Variants in TMTC2 observed in about 807,000 individuals in gnomAD.
The protein encoded by TMTC2 is transmembrane O-mannosyltransferase targeting cadherins 2.
A neutral mutation model predicts 82.4 loss-of-function variants in TMTC2; 43 were observed. The observed-to-expected ratio is 0.52, with a 90% CI of 0.41 to 0.67. TMTC2 has a LOEUF of 0.67. Among genes scored for constraint, TMTC2 ranks in the 30% least tolerant of loss-of-function variants. The probability of loss-of-function intolerance (pLI) is 0.00; values close to 1 mark genes in which losing one functional copy is unlikely to be tolerated. For synonymous variants in TMTC2, 408 were observed against 381.9 expected, an observed-to-expected ratio of 1.07 and a Z score of -0.80; for missense variants, 919 against 1,012.4, an observed-to-expected ratio of 0.91 and a Z score of 1.25.
At chr12:82,988,117 A>G (rs1879244955) in intron 8 of TMTC2, among the ~76,000 whole-genome samples, 1 of 152,208 alleles carries the variant, frequency 6.6e-6, no homozygotes, top group African/African-American at 2.4e-5. Flanking sequence ...ATGTGGGCAA[A>G]TCAGACTAAG....
intron 1 of TMTC2, among the ~76,000 whole-genome samples, chr12:82,787,503 C>T (rs775090651): frequency 1.1e-4 from 16 of 152,126 alleles, no homozygotes; most frequent in Admixed American, 2.6e-4. Context: ...GTTAGATTTA[C>T]TTCTTAAAAT....
intron 1 of TMTC2, among the ~76,000 whole-genome samples, chr12:82,761,617 C>CT (rs1876636635): frequency 6.6e-6 from 1 of 152,230 alleles, no homozygotes; most frequent in East Asian, 1.9e-4. Context: ...CTTGATCACT[C>CT]TTACACTTTG....
intron 3 of TMTC2, among the ~76,000 whole-genome samples, chr12:82,922,612 C>T (rs955599536): frequency 2.6e-5 from 4 of 151,658 alleles, no homozygotes; most frequent in South Asian, 2.1e-4. Context: ...TTCTTAACTT[C>T]GTTTTCTCTT....
At chr12:83,119,666 C>A (rs1176264490) in intron 11 of TMTC2, among the ~76,000 whole-genome samples, 5 of 152,030 alleles carry the variant, frequency 3.3e-5, no homozygotes, top group Non-Finnish European at 7.4e-5. Context: ...CCATTTCTTC[C>A]AGGGTATAGT....
intron 4 of TMTC2, among the ~76,000 whole-genome samples, chr12:82,954,026 T>C (rs2137283802): frequency 6.6e-6 from 1 of 152,344 alleles, no homozygotes; most frequent in East Asian, 1.9e-4. Context: ...TTATTTTTTT[T>C]GTCCAGGGAA....
chr12:82,944,443 G>A (rs1876885338), intron 4 of TMTC2, among the ~76,000 whole-genome samples: 1 of 151,840 alleles, frequency 6.6e-6, no homozygotes, highest in Admixed American at 6.6e-5. Flanking sequence ...AATTAGCTGG[G>A]TGTGGTGGCG....
Position 83,069,262 on chromosome 12 carries a change from G to A in TMTC2, c.2331+7431G>A, listed in dbSNP as rs985789987. 3.3e-5 allele frequency among the ~76,000 whole-genome samples: 5 copies of A among 152,034 alleles called. No individual in the cohort carries two copies. In the East Asian group the frequency reaches 9.6e-4, roughly 29 times the overall value. On this transcript the variant is annotated intron_variant, in intron 11 of 11. Coordinates refer to ENST00000321196, the MANE Select transcript of TMTC2 (RefSeq NM_152588.3). ...GTAGTTCTACTTTTAGTTCTTTAAG[G>A]ACTCTCCACACCATTTTCCATAGTA...
intron 10 of TMTC2, among the ~76,000 whole-genome samples, chr12:83,053,286 G>C (rs1029078826): frequency 1.3e-5 from 2 of 152,014 alleles, no homozygotes; most frequent in Non-Finnish European, 2.9e-5. Flanking sequence ...AGATATTTAG[G>C]AGACAAAATT....
Position 82,896,547 on chromosome 12 carries a change from C to T in TMTC2, c.1384C>T (p.Leu462=). 6.2e-7 allele frequency: 1 copy of T among 1,614,106 alleles called. No homozygotes were observed. Residue 462 remains leucine, a synonymous_variant, in exon 3 of 12, where the codon CTA becomes TTA. Coordinates refer to ENST00000321196, the MANE Select transcript of TMTC2 (RefSeq NM_152588.3). ...KSLIFYATAT[L]IVFYGLKTAI... Reference sequence around the variant, plus strand: ...CTTGATTTTTTATGCTACAGCTACACTAATTGTTTTTTATGGACTCAAGAC... The same window carrying T: ...CTTGATTTTTTATGCTACAGCTACATTAATTGTTTTTTATGGACTCAAGAC...
intron 1 of TMTC2, among the ~76,000 whole-genome samples, chr12:82,718,925 C>T (rs1468828031): frequency 6.6e-6 from 1 of 151,070 alleles, no homozygotes; most frequent in Non-Finnish European, 1.5e-5. Context: ...ACATTCATGC[C>T]CATTCTATAA....
At chr12:82,746,646 G>A (rs574193723) in intron 1 of TMTC2, among the ~76,000 whole-genome samples, 16 of 152,298 alleles carry the variant, frequency 1.1e-4, no homozygotes, top group South Asian at 2.1e-4. Flanking sequence ...AAGGGACTTC[G>A]TAGATGTAAT....
At chr12:83,029,945 C>T (rs1423792702) in intron 8 of TMTC2, among the ~76,000 whole-genome samples, 1 of 152,138 alleles carries the variant, frequency 6.6e-6, no homozygotes, top group Non-Finnish European at 1.5e-5. Context: ...AGTGACCTAG[C>T]TTTAGATTAA....
chr12:82,883,586 A>G (rs1872944616), intron 2 of TMTC2, among the ~76,000 whole-genome samples: 1 of 152,212 alleles, frequency 6.6e-6, no homozygotes, highest in Non-Finnish European at 1.5e-5. Flanking sequence ...TGCTTAACTC[A>G]TTAATGAGAC....
At chr12:82,756,819 G>A (rs576742460) in intron 1 of TMTC2, among the ~76,000 whole-genome samples, 52 of 152,256 alleles carry the variant, frequency 3.4e-4, no homozygotes, top group African/African-American at 8.2e-4. Flanking sequence ...GGGCAACTAC[G>A]ATTCCAAATA....
intron 11 of TMTC2, among the ~76,000 whole-genome samples, chr12:83,088,384 A>G (rs1344254352): frequency 6.6e-6 from 1 of 152,148 alleles, no homozygotes; most frequent in Middle Eastern, 3.2e-3. Context: ...CTTTGCATTT[A>G]CAACTTTGCT....
intron 1 of TMTC2, among the ~76,000 whole-genome samples, chr12:82,713,114 G>T (rs1431875804): frequency 6.6e-6 from 1 of 152,140 alleles, no homozygotes; most frequent in African/African-American, 2.4e-5. Context: ...GAGGTCAGGG[G>T]TTCGAGACCA....
At chr12:83,060,279 TC>T (rs1209076666) in intron 10 of TMTC2, among the ~76,000 whole-genome samples, 2 of 151,780 alleles carry the variant, frequency 1.3e-5, no homozygotes, top group African/African-American at 4.8e-5. Flanking sequence ...GAAAAATATG[TC>T]CTACACTCCA....
chr12:82,944,586 A>G (rs1448177315), intron 4 of TMTC2, among the ~76,000 whole-genome samples: 1 of 150,152 alleles, frequency 6.7e-6, no homozygotes, highest in Non-Finnish European at 1.5e-5. Context: ...AAAAAAAGGA[A>G]AAGAAAAAGA....
Position 83,051,205 on chromosome 12 carries a change from G to A in TMTC2, c.2267+187G>A, listed in dbSNP as rs375319425. 4.9e-4 allele frequency among the ~76,000 whole-genome samples: 75 copies of A among 152,220 alleles called. 1 individual carries two copies. In the South Asian group the frequency reaches 0.015, roughly 31 times the overall value. Reference sequence around the variant, plus strand: ...CAAGCTTATCCAGCCGGTGGCCCACGGGCCACATGTGATCCAGGACAGCTT... The same window carrying A: ...CAAGCTTATCCAGCCGGTGGCCCACAGGCCACATGTGATCCAGGACAGCTT... On this transcript the variant is annotated intron_variant, in intron 10 of 11. Transcript: ENST00000321196.
Sources: allele counts gnomAD v4.1 joint callset (sites outside exome capture counted in the v4.1 genomes callset), GRCh38; gene constraint gnomAD v4.1.1; transcripts MANE v1.5; gene names NCBI Gene and HGNC (gene_info 2026-07-23, HGNC 2026-07-21).